The following DUSP16 variants were observed in gnomAD, a reference collection of about 807,000 sequenced individuals.
DUSP16 encodes dual specificity protein phosphatase 16.
Under a neutral mutation model 58.3 loss-of-function variants are expected in DUSP16, and 21 were observed. That is an observed-to-expected ratio of 0.36 (90% CI 0.26 to 0.52). The LOEUF is 0.52. DUSP16 is among the 20% of genes least tolerant of loss of function. The pLI, the probability that DUSP16 is intolerant of heterozygous loss-of-function variation, is 0.94. For missense variants in DUSP16, 726 were observed against 819.0 expected (o/e 0.89, Z 1.39); for synonymous variants, 320 against 323.8 (o/e 0.99, Z 0.12).
intron 1 of DUSP16, among the ~76,000 whole-genome samples, chr12:12,550,134 A>C (rs1313287062): frequency 6.6e-6 from 1 of 152,060 alleles, no homozygotes; most frequent in East Asian, 1.9e-4. Context: ...TTAGCTAGGC[A>C]TGATGGAGGG....
intron 1 of DUSP16, among the ~76,000 whole-genome samples, chr12:12,561,835 G>A (rs929609276): frequency 2.0e-5 from 3 of 151,082 alleles, no homozygotes; most frequent in South Asian, 2.1e-4. Context: ...CTGCGACCCC[G>A]CGCCCGGCCG....
chr12:12,513,961 G>A (rs1233145154), intron 3 of DUSP16, among the ~76,000 whole-genome samples: 1 of 152,098 alleles, frequency 6.6e-6, no homozygotes, highest in Non-Finnish European at 1.5e-5. Flanking sequence ...CAGAGAACTA[G>A]TTTTCTGCAG....
chr12:12,493,785 T>C (rs1181654775), intron 4 of DUSP16, among the ~76,000 whole-genome samples: 1 of 152,238 alleles, frequency 6.6e-6, no homozygotes, highest in African/African-American at 2.4e-5. Flanking sequence ...TAGGCCACTT[T>C]GATCACCCAT....
chr12:12,526,336 C>T (rs1423875198), intron 1 of DUSP16, among the ~76,000 whole-genome samples: 3 of 151,802 alleles, frequency 2.0e-5, no homozygotes, highest in Admixed American at 1.3e-4. Context: ...ATTTAGATTC[C>T]ATTTGGTTAC....
In DUSP16 at chr12:12,491,727, G is replaced by C. The variant is rs1234488873; in HGVS notation, c.532-4540C>G. 4 of 152,094 alleles carry C rather than the reference G, an allele frequency of 2.6e-5. No homozygotes were observed. In the East Asian group the frequency reaches 5.8e-4, roughly 22 times the overall value. The allele number at this position is 152,094 out of a possible 1,614,324, so 9.4% of individuals were successfully genotyped here. ...CAACACCTTGGCCTCACAGTTCTTT[G>C]AACTCCTCATCTTGGCCTCTCACTC... is the stretch of plus-strand genomic sequence containing the variant. On this transcript the variant is annotated intron_variant, in intron 4 of 6. Transcript: ENST00000298573.
At chr12:12,519,758 C>T (rs1944202190) in intron 3 of DUSP16, 104 bp downstream of exon 3, 1 of 1,160,656 alleles carries the variant, frequency 8.6e-7, no homozygotes, top group Non-Finnish European at 1.2e-6. Context: ...TCATTTTACA[C>T]AGCAAAGTTG....
rs114549182 is a variant in DUSP16, at chr12:12,533,652, C to T, written c.-365-12189G>A. Among the ~76,000 whole-genome samples, 519 of 152,296 alleles carry T rather than the reference C, an allele frequency of 3.4e-3. 3 individuals are homozygous for T. Among genetic ancestry groups the T allele is most frequent in the African/African-American group, 0.012 (486 of 41,540 alleles). ...GCCAGTCACCTACAACCTAGGCCTG[C>T]TCAGTTTCTTTGCTCCATGAGGGCA... On this transcript the variant is annotated intron_variant, in intron 1 of 6. Coordinates refer to ENST00000298573, the MANE Select transcript of DUSP16 (RefSeq NM_030640.3).
At chr12:12,493,472 T>C (rs1235086560) in intron 4 of DUSP16, among the ~76,000 whole-genome samples, 2 of 152,172 alleles carry the variant, frequency 1.3e-5, no homozygotes, top group African/African-American at 4.8e-5. Context: ...TCAGATTATG[T>C]TGCTCCTCTG....
intron 1 of DUSP16, among the ~76,000 whole-genome samples, chr12:12,523,128 G>C (rs1274942720): frequency 6.6e-6 from 1 of 152,212 alleles, no homozygotes; most frequent in East Asian, 1.9e-4. Context: ...GATATAAAGA[G>C]ATGTAGCTTT....
Position 12,473,765 on chromosome 12 carries a change from C to T in DUSP16, c.*3068G>A, listed in dbSNP as rs1028904450. ...AAGTCATCAAATCTAGTGTCATGAG[C>T]AGAGAGGTTGTTGAGATGTATGTGG... On this transcript the variant is annotated 3_prime_UTR_variant, in exon 7 of 7. Coordinates refer to ENST00000298573, the MANE Select transcript of DUSP16 (RefSeq NM_030640.3). Among the ~76,000 whole-genome samples the T allele has an allele frequency of 6.6e-6, 1 of 152,138 alleles. No individual in the cohort carries two copies. Among genetic ancestry groups the T allele is most frequent in the Non-Finnish European group, 1.5e-5 (1 of 68,036 alleles).
chr12:12,537,633 C>T (rs141628595), intron 1 of DUSP16, among the ~76,000 whole-genome samples: 82 of 152,294 alleles, frequency 5.4e-4, no homozygotes, highest in Non-Finnish European at 7.9e-4. Context: ...ACATAGTCCA[C>T]GGCATAGACC....
intron 1 of DUSP16, among the ~76,000 whole-genome samples, chr12:12,559,695 T>G (rs1310194906): frequency 6.6e-6 from 1 of 152,210 alleles, no homozygotes; most frequent in Non-Finnish European, 1.5e-5. Flanking sequence ...GCTATATAAG[T>G]CTGCTTCATC....
chr12:12,482,294 A>C (rs1220881762), intron 5 of DUSP16, among the ~76,000 whole-genome samples: 2 of 152,220 alleles, frequency 1.3e-5, no homozygotes, highest in African/African-American at 4.8e-5. Flanking sequence ...AAAAAGAAGA[A>C]GGCTGGAAGG....
At chr12:12,522,713 A>G (rs574075050) in intron 1 of DUSP16, among the ~76,000 whole-genome samples, 1 of 151,676 alleles carries the variant, frequency 6.6e-6, no homozygotes, top group African/African-American at 2.4e-5. Context: ...ACAGGCGCGC[A>G]CCACCACACC....
intron 1 of DUSP16, among the ~76,000 whole-genome samples, chr12:12,536,197 C>T (rs1193048312): frequency 6.6e-6 from 1 of 152,172 alleles, no homozygotes; most frequent in African/African-American, 2.4e-5. Context: ...TGTTAATAGT[C>T]TAAATCCAAG....
At chr12:12,502,941 C>T (rs908868825) in intron 3 of DUSP16, among the ~76,000 whole-genome samples, 5 of 152,068 alleles carry the variant, frequency 3.3e-5, no homozygotes, top group Non-Finnish European at 7.4e-5. Flanking sequence ...ACGTAGAAGC[C>T]ACGGTACATA....
At chr12:12,546,566 T>A (rs1273677024) in intron 1 of DUSP16, among the ~76,000 whole-genome samples, 2 of 152,152 alleles carry the variant, frequency 1.3e-5, no homozygotes, top group African/African-American at 4.8e-5. Context: ...CTGGTAATGG[T>A]CAATCAAGAC....
chr12:12,547,044 CT>C (rs757365295), intron 1 of DUSP16, among the ~76,000 whole-genome samples: 8 of 152,160 alleles, frequency 5.3e-5, no homozygotes, highest in Non-Finnish European at 1.2e-4. Flanking sequence ...TTTAGAAATA[CT>C]TCTTTATACC....
intron 1 of DUSP16, among the ~76,000 whole-genome samples, chr12:12,559,237 C>T (rs1292751605): frequency 1.3e-5 from 2 of 152,170 alleles, no homozygotes; most frequent in Non-Finnish European, 2.9e-5. Flanking sequence ...TTTGTTTAAG[C>T]CAACATTCGG....
Sources: gnomAD v4.1 joint callset for allele counts (sites outside exome capture counted in the v4.1 genomes callset) on GRCh38, gnomAD v4.1.1 for gene constraint, MANE v1.5 for transcripts, NCBI Gene and HGNC (gene_info 2026-07-23, HGNC 2026-07-21) for gene names.